C12orf76: variants seen among roughly 807,000 people sequenced by gnomAD.
C12orf76 encodes the protein uncharacterized protein C12orf76.
A neutral mutation model predicts 6.8 loss-of-function variants in C12orf76; 6 were observed. That is an observed-to-expected ratio of 0.88 (90% CI 0.48 to 1.73). C12orf76 has a LOEUF of 1.73. C12orf76 is among the 40% of genes most tolerant of loss of function. C12orf76 has a pLI of 0.01. For missense variants in C12orf76, 99 were observed against 98.2 expected, an observed-to-expected ratio of 1.01 and a Z score of -0.03; for synonymous variants, 56 against 43.7, an observed-to-expected ratio of 1.28 and a Z score of -1.11.
chr12:110,066,630 G>A lies in C12orf76; in HGVS notation n.207-597C>T, dbSNP rs538643102. 3.3e-5 allele frequency among the ~76,000 whole-genome samples: 5 copies of A among 152,146 alleles called. 1 individual carries two copies. Among genetic ancestry groups the A allele is most frequent in the African/African-American group, 7.2e-5 (3 of 41,512 alleles). On this transcript the variant is annotated intron_variant and non_coding_transcript_variant, in intron 1 of 4. Transcript: ENST00000309050. Reference sequence around the variant, plus strand: ...TTGAACCCGGGAGGCGGAGGTTGCCGTGAGCCAAGATCGCGCCATTTCACT... The same window carrying A: ...TTGAACCCGGGAGGCGGAGGTTGCCATGAGCCAAGATCGCGCCATTTCACT...
intron 1 of C12orf76, among the ~76,000 whole-genome samples, chr12:110,066,682 C>T (rs1892870352): frequency 1.4e-5 from 2 of 146,822 alleles, no homozygotes; most frequent in African/African-American, 4.9e-5. Flanking sequence ...GAGCAAAACT[C>T]TGTCTCAAAA....
At chr12:110,042,749 C>T (rs1442264273) in intron 1 of C12orf76, 13 of 614,148 alleles carry the variant, frequency 2.1e-5, no homozygotes, top group Admixed American at 1.6e-4. Context: ...AGGAAGCATC[C>T]GAGGAGGAGA....
chr12:110,048,221 C>T lies in C12orf76; in HGVS notation c.133+142G>A, dbSNP rs1043344937. The T allele has an allele frequency of 8.2e-6, 9 of 1,096,388 alleles. No individual in the cohort carries two copies. The African/African-American group carries it at 1.5e-4, about 18-fold the overall frequency. 67.9% of individuals were successfully genotyped at this position (1,096,388 alleles called of 1,614,324 possible). A position where few individuals can be genotyped will look rare whatever the true frequency, so the allele number is the denominator to read the frequency against. ...TTTGGAGAGGGAGTCTCGGGGCCCC[C>T]TGAGGGGCCTCACCTGCACCCCCCG... On this transcript the variant is annotated intron_variant, in intron 1 of 1. Transcript: ENST00000615315.
upstream of C12orf76, among the ~76,000 whole-genome samples, chr12:110,053,188 CAAA>C (rs1194301989): frequency 3.5e-5 from 3 of 86,592 alleles, no homozygotes; most frequent in Middle Eastern, 0.011. Context: ...TAGACTGTCT[CAAA>C]AAAAAAAAAA....
chr12:110,057,151 C>A, intron 4 of C12orf76: 1 of 1,418,090 alleles, frequency 7.1e-7, no homozygotes, highest in Non-Finnish European at 1.0e-6. Context: ...GAGTCCCAAT[C>A]CACATGCTCT....
rs1459876299 is a variant in C12orf76 at position 110,048,496 on chromosome 12, C to G, written c.-1G>C. The G allele has an allele frequency of 1.4e-6, 2 of 1,439,606 alleles. No homozygotes were observed. The highest frequency in any genetic ancestry group is 2.7e-5 in the South Asian group (2 of 73,858). 89.2% of individuals were successfully genotyped at this position (1,439,606 alleles called of 1,614,324 possible). A position where few individuals can be genotyped will look rare whatever the true frequency, so the allele number is the denominator to read the frequency against. ...GCCACGGTAACGCTGGACGCAGCATCTTCCCCAGCCCTGCAGAAGCAGAGA... is the reference window on the plus strand; with the variant it reads ...GCCACGGTAACGCTGGACGCAGCATGTTCCCCAGCCCTGCAGAAGCAGAGA... On this transcript the variant is annotated 5_prime_UTR_variant, in exon 1 of 2. Coordinates refer to ENST00000615315, the MANE Select transcript of C12orf76 (RefSeq NM_001389625.1).
chr12:110,058,604 G>A (rs1433568768), intron 3 of C12orf76, among the ~76,000 whole-genome samples: 1 of 152,132 alleles, frequency 6.6e-6, no homozygotes, highest in African/African-American at 2.4e-5. Flanking sequence ...GGCGGAGGTT[G>A]CAGTGAGCCG....
chr12:110,071,064 C>T (rs956651231), upstream of C12orf76, among the ~76,000 whole-genome samples: 2 of 152,190 alleles, frequency 1.3e-5, no homozygotes, highest in African/African-American at 2.4e-5. Flanking sequence ...CATGAGCCAC[C>T]ATGCCCGGCC....
intron 4 of C12orf76, among the ~76,000 whole-genome samples, chr12:110,055,427 G>A (rs886943950): frequency 4.6e-5 from 7 of 152,106 alleles, no homozygotes; most frequent in Middle Eastern, 3.4e-3. Context: ...AGCTGGTCTC[G>A]AACTCCTGAC....
At chr12:110,053,564 G>T (rs1461676367), upstream of C12orf76, among the ~76,000 whole-genome samples, 2 of 152,174 alleles carry the variant, frequency 1.3e-5, no homozygotes, top group East Asian at 1.9e-4. Flanking sequence ...CCACTGGGAG[G>T]CTCCTGAAAA....
chr12:110,064,110 C>T (rs1892821393), intron 2 of C12orf76, among the ~76,000 whole-genome samples: 1 of 152,140 alleles, frequency 6.6e-6, no homozygotes, highest in African/African-American at 2.4e-5. Context: ...TAGCAGTCTG[C>T]AGAGGAACAG....
At chr12:110,059,441 G>C (rs1892731902) in intron 2 of C12orf76, among the ~76,000 whole-genome samples, 1 of 152,188 alleles carries the variant, frequency 6.6e-6, no homozygotes, top group African/African-American at 2.4e-5. Flanking sequence ...TCCTCGTCCT[G>C]TTCCTGATCT....
exon 1 of C12orf76, chr12:110,067,612 G>T: frequency 1.0e-6 from 1 of 982,062 alleles, no homozygotes; most frequent in Non-Finnish European, 1.2e-6. Flanking sequence ...CAGACCTCAG[G>T]TGATCCACCC....
chr12:110,051,444 T>C (rs1892574045), upstream of C12orf76: 1 of 603,792 alleles, frequency 1.7e-6, no homozygotes. Flanking sequence ...TTTTTTTTTT[T>C]TAAATGGAGT....
intron 4 of C12orf76, among the ~76,000 whole-genome samples, chr12:110,056,422 A>C (rs955339086): frequency 6.6e-6 from 1 of 152,082 alleles, no homozygotes; most frequent in Non-Finnish European, 1.5e-5. Flanking sequence ...AGGGGTGTGA[A>C]GAAGCTGAGG....
In C12orf76 at chr12:110,054,790, A is replaced by T. The variant is rs188022821; in HGVS notation, n.664+2399T>A. Among the ~76,000 whole-genome samples, 7 of 152,352 alleles carry T rather than the reference A, an allele frequency of 4.6e-5. No individual in the cohort carries two copies. In the East Asian group the frequency reaches 1.2e-3, roughly 25 times the overall value. Reference sequence around the variant, plus strand: ...ATAAAAACAAACAAGGGAATGACAAATGTCAAATTCAGGATTTCGTTTAGA... The same window carrying T: ...ATAAAAACAAACAAGGGAATGACAATTGTCAAATTCAGGATTTCGTTTAGA... On this transcript the variant is annotated intron_variant and non_coding_transcript_variant, in intron 4 of 4. Coordinates refer to the C12orf76 transcript ENST00000309050. The surrounding 1 kb of genome is among the most constrained non-coding windows in gnomAD (Gnocchi z 4.4).
At chr12:110,045,455 G>A (rs894171171) in intron 1 of C12orf76, among the ~76,000 whole-genome samples, 6 of 151,874 alleles carry the variant, frequency 4.0e-5, no homozygotes, top group Admixed American at 6.6e-5. Context: ...GCATGGTGGC[G>A]GGCACCTGTA....
At chr12:110,070,300 A>G (rs757282425), upstream of C12orf76, among the ~76,000 whole-genome samples, 1 of 148,122 alleles carries the variant, frequency 6.8e-6, no homozygotes, top group South Asian at 2.2e-4. Context: ...ACGGTGGTTC[A>G]CACCTATAAT....
At chr12:110,068,325 GA>G (rs1892916666), upstream of C12orf76, among the ~76,000 whole-genome samples, 3 of 134,162 alleles carry the variant, frequency 2.2e-5, no homozygotes, top group African/African-American at 7.8e-5. Context: ...AGAAGAAGAA[GA>G]AGAAGGCGGC....
Sources: allele counts gnomAD v4.1 joint callset (sites outside exome capture counted in the v4.1 genomes callset), GRCh38; gene constraint gnomAD v4.1.1; non-coding constraint Gnocchi (gnomAD v3.1); transcripts MANE v1.5; gene names NCBI Gene and HGNC (gene_info 2026-07-23, HGNC 2026-07-21).